The following KIT variants were observed in gnomAD, a reference collection of about 807,000 sequenced individuals.
KIT encodes the protein KIT proto-oncogene, receptor tyrosine kinase.
Under a neutral mutation model 105.7 loss-of-function variants are expected in KIT, and 16 were observed. That is an observed-to-expected ratio of 0.15 (90% CI 0.10 to 0.23). The LOEUF (loss-of-function observed/expected upper bound fraction) is 0.23, where lower values mean the gene tolerates loss of function less well. KIT is among the 10% of genes least tolerant of loss of function. The probability of loss-of-function intolerance (pLI) is 1.00; values close to 1 mark genes in which losing one functional copy is unlikely to be tolerated. For missense variants in KIT, 858 were observed against 1,213.8 expected (o/e 0.71, Z 4.36); for synonymous variants, 438 against 441.1 (o/e 0.99, Z 0.09).
chr4:54,702,621 A>G (rs1321695085), intron 4 of KIT, among the ~76,000 whole-genome samples: 1 of 152,118 alleles, frequency 6.6e-6, no homozygotes, highest in South Asian at 2.1e-4. Flanking sequence ...CACCTCTCTT[A>G]TAGTCATAAT....
intron 1 of KIT, among the ~76,000 whole-genome samples, chr4:54,687,478 C>T (rs1719399218): frequency 1.3e-5 from 2 of 152,096 alleles, no homozygotes; most frequent in African/African-American, 4.8e-5. Context: ...AATCAAACAT[C>T]CTCAATGAAA....
chr4:54,660,468 C>G (rs898087101), intron 1 of KIT, among the ~76,000 whole-genome samples: 4 of 152,132 alleles, frequency 2.6e-5, no homozygotes, highest in Admixed American at 6.5e-5. Flanking sequence ...ATTCATTTAT[C>G]CCTATTCTGT....
intron 1 of KIT, among the ~76,000 whole-genome samples, chr4:54,671,798 T>G (rs1718125706): frequency 6.6e-6 from 1 of 152,204 alleles, no homozygotes; most frequent in African/African-American, 2.4e-5. Flanking sequence ...TGGCAACATT[T>G]CAAATAGGAT....
At chr4:54,678,346 TTCCTTCCCTCCCTCCCTCCC>T (rs1718655043) in intron 1 of KIT, among the ~76,000 whole-genome samples, 3 of 78,968 alleles carry the variant, frequency 3.8e-5, no homozygotes, top group South Asian at 4.1e-4. Context: ...CCTTCCTTCC[TTCCTTCCCTCCCTCCCTCCC>T]TCCCTCCCTC....
At position 54,727,848 on chromosome 4, in the gene KIT, C is replaced by T. The variant is rs138380197; in HGVS notation, c.1800C>T (p.Phe600=). ...GGAAAACCCTGGGTGCTGGAGCTTT[C>T]GGGAAGGTTGTTGAGGCAACTGCTT... ...SFGKTLGAGA[F]GKVVEATAYG... Residue 600 remains phenylalanine, a synonymous_variant, in exon 12 of 21, where the codon TTC becomes TTT. Coordinates refer to ENST00000288135, the MANE Select transcript of KIT (RefSeq NM_000222.3). 5.6e-6 allele frequency: 9 copies of T among 1,613,036 alleles called. No homozygotes were observed. The highest frequency in any genetic ancestry group is 5.3e-5 in the African/African-American group (4 of 74,878).
At position 54,674,132 on chromosome 4, in the gene KIT, C is replaced by CT. The variant is rs945397408; in HGVS notation, c.67+16060dup. Among the ~76,000 whole-genome samples, 149 of 151,586 alleles carry CT rather than the reference C, an allele frequency of 9.8e-4. 1 individual carries two copies. Among genetic ancestry groups the CT allele is most frequent in the Admixed American group, 7.0e-3 (106 of 15,204 alleles). ...AACTCTACTTTCCTATATCCTAAGA[C>CT]TTTTTTTTTGTCCCTACCCACACTG... On this transcript the variant is annotated intron_variant, in intron 1 of 20. Transcript: ENST00000288135.
Position 54,709,463 on chromosome 4 carries a change from C to A in KIT, c.1155C>A (p.Thr385=), listed in dbSNP as rs373472667. Residue 385 remains threonine, a synonymous_variant, in exon 7 of 21, where the codon ACC becomes ACA. Coordinates refer to ENST00000288135, the MANE Select transcript of KIT (RefSeq NM_000222.3). ...TTCATCTAACGAGATTAAAAGGCAC[C>A]GAAGGAGGCACTTACACATTCCTAG... is the stretch of plus-strand genomic sequence containing the variant. ...SELHLTRLKG[T]EGGTYTFLVS... is the part of the protein sequence containing the mutation. The A allele has an allele frequency of 6.2e-7, 1 of 1,613,616 alleles. No homozygotes were observed. The highest frequency in any genetic ancestry group is 1.3e-5 in the African/African-American group (1 of 74,892).
intron 7 of KIT, among the ~76,000 whole-genome samples, chr4:54,717,829 G>C (rs1202403346): frequency 6.6e-6 from 1 of 151,978 alleles, no homozygotes; most frequent in African/African-American, 2.4e-5. Context: ...TAGGAAAAAA[G>C]AGGCTTTTGT....
chr4:54,703,897 A>G lies in KIT; in HGVS notation c.925+5A>G. The G allele has an allele frequency of 6.2e-7, 1 of 1,606,924 alleles. No individual in the cohort carries two copies. On this transcript the variant is annotated splice_donor_5th_base_variant and intron_variant, in intron 5 of 20. Coordinates refer to ENST00000288135, the MANE Select transcript of KIT (RefSeq NM_000222.3). ...CAACAACCTTGGAAGTAGTAGGTAA[A>G]TACCTCTATGGGAATGTTTAAATTA...
intron 1 of KIT, among the ~76,000 whole-genome samples, chr4:54,689,229 GCA>G (rs1177873840): frequency 6.6e-6 from 1 of 152,118 alleles, no homozygotes; most frequent in African/African-American, 2.4e-5. Context: ...CTCCCCATAA[GCA>G]CACACTCATT....
chr4:54,706,343 GT>G (rs1479693943), intron 5 of KIT, among the ~76,000 whole-genome samples: 1 of 152,030 alleles, frequency 6.6e-6, no homozygotes. Context: ...GTTAAAATTA[GT>G]TTTGCTATTT....
In KIT at chr4:54,723,681, T is replaced by C. The variant is rs768900424; in HGVS notation, c.1329T>C (p.Cys443=). The C allele has an allele frequency of 6.2e-7, 1 of 1,610,774 alleles. No homozygotes were observed. Among genetic ancestry groups the C allele is most frequent in the East Asian group, 2.2e-5 (1 of 44,862 alleles). Reference sequence around the variant, plus strand: ...AGCCCACAATAGATTGGTATTTTTGTCCAGGAACTGAGCAGAGGTGAGATG... The same window carrying C: ...AGCCCACAATAGATTGGTATTTTTGCCCAGGAACTGAGCAGAGGTGAGATG... The part of the protein sequence containing the change: ...FPEPTIDWYF[C]PGTEQRCSAS... The change falls in exon 8 of 21, where the codon TGT becomes TGC. Residue 443 remains cysteine (C), a synonymous_variant. Coordinates refer to ENST00000288135, the MANE Select transcript of KIT (RefSeq NM_000222.3).
At chr4:54,682,998 C>T (rs1472863189) in intron 1 of KIT, among the ~76,000 whole-genome samples, 9 of 151,528 alleles carry the variant, frequency 5.9e-5, no homozygotes, top group African/African-American at 2.2e-4. Flanking sequence ...GTGATCCTCC[C>T]GCCTCAGCTT....
At chr4:54,727,140 T>G in intron 9 of KIT, 78 bp from the exon 10 acceptor site, 1 of 1,194,400 alleles carries the variant, frequency 8.4e-7, no homozygotes, top group Non-Finnish European at 1.3e-6. Context: ...GGAGGTGGGG[T>G]CAGTTTGGGA....
intron 1 of KIT, among the ~76,000 whole-genome samples, chr4:54,667,328 T>C (rs1717774517): frequency 6.6e-6 from 1 of 152,174 alleles, no homozygotes; most frequent in Non-Finnish European, 1.5e-5. Flanking sequence ...ATTTTATTAA[T>C]ACCTGTCACT....
chr4:54,716,925 T>A (rs1417003851), intron 7 of KIT, among the ~76,000 whole-genome samples: 1 of 152,208 alleles, frequency 6.6e-6, no homozygotes, highest in Non-Finnish European at 1.5e-5. Flanking sequence ...TTTTCAGATC[T>A]TCTTAGTGTG....
At chr4:54,681,912 G>A (rs1264545963) in intron 1 of KIT, among the ~76,000 whole-genome samples, 1 of 151,758 alleles carries the variant, frequency 6.6e-6, no homozygotes, top group Non-Finnish European at 1.5e-5. Flanking sequence ...TGGTGGCGGA[G>A]GTTGCAGTGA....
intron 1 of KIT, among the ~76,000 whole-genome samples, chr4:54,671,616 G>T (rs1718114168): frequency 6.6e-6 from 1 of 152,060 alleles, no homozygotes; most frequent in Admixed American, 6.6e-5. Context: ...GAATTTCAGG[G>T]TCTACATTTA....
intron 1 of KIT, among the ~76,000 whole-genome samples, chr4:54,660,714 G>T (rs1717196035): frequency 6.6e-6 from 1 of 152,066 alleles, no homozygotes; most frequent in African/African-American, 2.4e-5. Flanking sequence ...ACATTTTACA[G>T]CTGGAGAAAC....
Sources: allele counts gnomAD v4.1 joint callset (sites outside exome capture counted in the v4.1 genomes callset), GRCh38; gene constraint gnomAD v4.1.1; transcripts MANE v1.5; gene names NCBI Gene and HGNC (gene_info 2026-07-23, HGNC 2026-07-21).